Variants in CNTLN observed in about 807,000 individuals in gnomAD.
CNTLN encodes centlein, centrosomal protein.
In CNTLN, 212 loss-of-function variants were observed where a neutral mutation model predicts 180.0. That is an observed-to-expected ratio of 1.18 (90% CI 1.05 to 1.32). The LOEUF (loss-of-function observed/expected upper bound fraction) is 1.32, where lower values mean the gene tolerates loss of function less well. Among genes scored for constraint, CNTLN ranks in the 40% most tolerant of loss-of-function variants. The probability of loss-of-function intolerance (pLI) is 0.00; values close to 1 mark genes in which losing one functional copy is unlikely to be tolerated. For missense variants in CNTLN, 2,095 were observed against 1,610.9 expected (o/e 1.30, Z -5.14); for synonymous variants, 722 against 563.1 (o/e 1.28, Z -3.99).
intron 2 of CNTLN, among the ~76,000 whole-genome samples, chr9:17,191,091 G>T (rs1250742000): frequency 6.6e-6 from 1 of 152,144 alleles, no homozygotes; most frequent in African/African-American, 2.4e-5. Context: ...GCCATTAGAA[G>T]TATATGTATA....
chr9:17,468,286 G>C (rs187862684), intron 23 of CNTLN, among the ~76,000 whole-genome samples: 14 of 151,592 alleles, frequency 9.2e-5, no homozygotes, highest in African/African-American at 3.1e-4. Context: ...TACCTATTGG[G>C]TACTATGTTT....
chr9:17,263,328 T>G (rs1251168784), intron 5 of CNTLN, among the ~76,000 whole-genome samples: 15 of 150,816 alleles, frequency 9.9e-5, no homozygotes, highest in African/African-American at 3.7e-4. Flanking sequence ...TTGCTGAGAT[T>G]GATGGTTTCC....
intron 6 of CNTLN, among the ~76,000 whole-genome samples, chr9:17,285,344 T>G (rs1030611153): frequency 6.7e-6 from 1 of 149,488 alleles, no homozygotes; most frequent in Admixed American, 6.6e-5. Flanking sequence ...TCATCATTTT[T>G]TATGGCTGCA....
At chr9:17,312,349 A>ATATATATATATATATTATATATATATAT (rs1563984672) in intron 8 of CNTLN, among the ~76,000 whole-genome samples, 14 of 14,552 alleles carry the variant, frequency 9.6e-4, no homozygotes, top group African/African-American at 2.0e-3. Flanking sequence ...GTATTTATAT[A>ATATATATATATATATTATATATATATAT]TATATATATA....
intron 2 of CNTLN, among the ~76,000 whole-genome samples, chr9:17,214,160 T>C (rs1423647868): frequency 6.6e-6 from 1 of 152,214 alleles, no homozygotes; most frequent in East Asian, 1.9e-4. Flanking sequence ...CGATGGTCTT[T>C]ACACTTTGGC....
At chr9:17,217,186 T>C (rs1823817378) in intron 2 of CNTLN, among the ~76,000 whole-genome samples, 1 of 152,240 alleles carries the variant, frequency 6.6e-6, no homozygotes, top group Admixed American at 6.5e-5. Context: ...TAGTAAGGAA[T>C]AGTTACTTTA....
rs1169565271 is a variant in CNTLN, at chr9:17,340,842, G to A, written c.1660G>A (p.Glu554Lys). 1.9e-6 allele frequency: 3 copies of A among 1,609,920 alleles called. No homozygotes were observed. Among genetic ancestry groups the A allele is most frequent in the African/African-American group, 1.3e-5 (1 of 74,700 alleles). The change falls in exon 11 of 26, where the codon GAG (glutamate) becomes AAG (lysine). Residue 554 changes from glutamate (E) to lysine (K), a missense_variant. Glu to Lys is a moderately conservative substitution (Grantham distance 56, BLOSUM62 1). Transcript: ENST00000380647. ...TGTTCTACAGAGCCAAGAAAATGAT[G>A]AGCTAAGAGATGCCCATGAAAAACG... is the stretch of plus-strand genomic sequence containing the variant. ...ALQLKSQEND[E>K]LRDAHEKRKE...
At chr9:17,412,764 T>C (rs1827946752) in intron 16 of CNTLN, among the ~76,000 whole-genome samples, 1 of 152,212 alleles carries the variant, frequency 6.6e-6, no homozygotes, top group African/African-American at 2.4e-5. Flanking sequence ...CAGGACGTAA[T>C]AATGGATACC....
At chr9:17,255,703 A>C (rs1247274410) in intron 5 of CNTLN, among the ~76,000 whole-genome samples, 1 of 151,670 alleles carries the variant, frequency 6.6e-6, no homozygotes, top group East Asian at 1.9e-4. Flanking sequence ...TACTCTCCGT[A>C]CTTCAGTTAT....
chr9:17,282,783 T>A (rs902905180), intron 6 of CNTLN, among the ~76,000 whole-genome samples: 2 of 152,124 alleles, frequency 1.3e-5, no homozygotes, highest in Non-Finnish European at 2.9e-5. Context: ...AAGGAAGGGG[T>A]CCAGTTTCAG....
chr9:17,298,689 AATT>A, intron 7 of CNTLN: 1 of 1,002,748 alleles, frequency 1.0e-6, no homozygotes, highest in African/African-American at 1.7e-5. Flanking sequence ...TATTACAAGA[AATT>A]ATTTTGTCAA....
intron 3 of CNTLN, among the ~76,000 whole-genome samples, chr9:17,229,272 C>T (rs1824666166): frequency 6.6e-6 from 1 of 151,948 alleles, no homozygotes. Context: ...AAAGACATTA[C>T]ATTTAGCAGT....
chr9:17,239,913 A>AT (rs1212473827), intron 5 of CNTLN, among the ~76,000 whole-genome samples: 1 of 151,666 alleles, frequency 6.6e-6, no homozygotes, highest in African/African-American at 2.4e-5. Context: ...TGTCCTCCAT[A>AT]TTTTTTCTTT....
In CNTLN at chr9:17,464,566, A is replaced by G. The variant is rs1186283051; in HGVS notation, c.3474A>G (p.Lys1158=). The G allele has an allele frequency of 1.3e-6, 2 of 1,521,828 alleles. No individual in the cohort carries two copies. Among genetic ancestry groups the G allele is most frequent in the Non-Finnish European group, 1.8e-6 (2 of 1,138,304 alleles). 94.3% of individuals were successfully genotyped at this position (1,521,828 alleles called of 1,614,324 possible). The change falls in exon 21 of 26, where the codon AAA becomes AAG. Residue 1158 remains lysine (K), a synonymous_variant. Coordinates refer to ENST00000380647, the MANE Select transcript of CNTLN (RefSeq NM_017738.4). ...HLIEDLKFRQ[K]VNLESNKSFS... ...TAGAGGACTTGAAATTTCGACAGAA[A>G]GTAAATTTGGAAAGTAACAAGAGTT...
chr9:17,136,416 G>A (rs775831109), intron 1 of CNTLN, among the ~76,000 whole-genome samples: 5 of 152,160 alleles, frequency 3.3e-5, no homozygotes, highest in African/African-American at 4.8e-5. Context: ...TGCAAGCTCC[G>A]CCTCCCGGGT....
chr9:17,260,012 C>T (rs10962955), intron 5 of CNTLN, among the ~76,000 whole-genome samples: 50,906 of 123,750 alleles, frequency 0.41, 12,510 homozygotes, highest in South Asian at 0.68. Context: ...TCTTGCCTTC[C>T]GCTAGCTTTT....
chr9:17,428,318 G>T (rs895928644), intron 18 of CNTLN, among the ~76,000 whole-genome samples: 1 of 152,094 alleles, frequency 6.6e-6, no homozygotes, highest in East Asian at 1.9e-4. Context: ...AGTGAGAATA[G>T]CTAACCTTTA....
intron 5 of CNTLN, among the ~76,000 whole-genome samples, chr9:17,242,155 A>C (rs748087571): frequency 2.0e-5 from 3 of 152,192 alleles, no homozygotes; most frequent in Non-Finnish European, 2.9e-5. Flanking sequence ...TTCCACATTC[A>C]GTATCATACT....
Position 17,359,717 on chromosome 9 carries a change from T to TAAAAAAAAAAAAAAAAAAA in CNTLN, c.1887-6895_1887-6894insAAAAAAAAAAAAAAAAAAA, listed in dbSNP as rs1456379699. Among the ~76,000 whole-genome samples the TAAAAAAAAAAAAAAAAAAA allele has an allele frequency of 5.9e-4, 8 of 13,474 alleles. 1 individual carries two copies. The highest frequency in any genetic ancestry group is 3.0e-3 in the East Asian group (1 of 328). 8.8% of individuals were successfully genotyped at this position (13,474 alleles called of 152,430 possible). On this transcript the variant is annotated intron_variant, in intron 12 of 25. Coordinates refer to ENST00000380647, the MANE Select transcript of CNTLN (RefSeq NM_017738.4). Reference sequence around the variant, plus strand: ...TAACACGGTGAAACTCCGTCTATACTAAAAATACAAAAAAAAAAAAAAAAA... The same window carrying TAAAAAAAAAAAAAAAAAAA: ...TAACACGGTGAAACTCCGTCTATACTAAAAAAAAAAAAAAAAAAAAAAAATACAAAAAAAAAAAAAAAAA...
Sources: allele counts gnomAD v4.1 joint callset (sites outside exome capture counted in the v4.1 genomes callset), GRCh38; gene constraint gnomAD v4.1.1; transcripts MANE v1.5; gene names NCBI Gene and HGNC (gene_info 2026-07-23, HGNC 2026-07-21).